Variants in DIAPH3 observed in about 807,000 individuals in gnomAD.
The protein encoded by DIAPH3 is diaphanous related formin 3.
A neutral mutation model predicts 144.3 loss-of-function variants in DIAPH3; 117 were observed. The ratio of observed to expected loss-of-function variants is 0.81; its 90% CI spans 0.70 to 0.95. DIAPH3 has a LOEUF of 0.95. Ranked by LOEUF, DIAPH3 falls within the 40% of genes least tolerant of loss-of-function variation. The probability of loss-of-function intolerance (pLI) is 0.00; values close to 1 mark genes in which losing one functional copy is unlikely to be tolerated. For missense variants in DIAPH3, 1,421 were observed against 1,412.7 expected (o/e 1.01, Z -0.09); for synonymous variants, 519 against 488.9 (o/e 1.06, Z -0.81).
rs551702381 is a variant in DIAPH3, at chr13:59,783,252, G to T, written c.3164-8429C>A. ...GAGACATAGAGAAATCTTGGTATCC[G>T]TGGTTGTGAATATTATAAAGAAATA... On this transcript the variant is annotated intron_variant, in intron 25 of 27. Transcript: ENST00000400324. 1.1e-4 allele frequency among the ~76,000 whole-genome samples: 17 copies of T among 152,232 alleles called. No homozygotes were observed. The South Asian group carries it at 3.5e-3, about 32-fold the overall frequency.
chr13:59,843,557 G>T (rs371696970), intron 22 of DIAPH3, among the ~76,000 whole-genome samples: 1 of 152,158 alleles, frequency 6.6e-6, no homozygotes. Context: ...ATCTCACCGC[G>T]TATTTTTACC....
chr13:59,910,174 G>C (rs1366154331), intron 20 of DIAPH3, among the ~76,000 whole-genome samples: 2 of 104,372 alleles, frequency 1.9e-5, no homozygotes, highest in Non-Finnish European at 4.8e-5. Flanking sequence ...TCAAAACATA[G>C]GTAAAAAAAA....
chr13:59,923,561 C>T (rs774341624), intron 18 of DIAPH3, among the ~76,000 whole-genome samples: 1 of 152,170 alleles, frequency 6.6e-6, no homozygotes, highest in Non-Finnish European at 1.5e-5. Flanking sequence ...GGATGATGGA[C>T]ACCACTCTGA....
intron 25 of DIAPH3, among the ~76,000 whole-genome samples, chr13:59,800,973 A>T (rs1171340884): frequency 6.6e-6 from 1 of 152,184 alleles, no homozygotes; most frequent in East Asian, 1.9e-4. Context: ...CCTTTTTTTG[A>T]GAGAAGAGCA....
At chr13:60,137,125 C>T (rs1462322347) in intron 1 of DIAPH3, among the ~76,000 whole-genome samples, 1 of 152,102 alleles carries the variant, frequency 6.6e-6, no homozygotes, top group East Asian at 1.9e-4. Flanking sequence ...GAACCACATA[C>T]AGATGGGTAA....
At chr13:59,706,230 T>C (rs761571194) in intron 27 of DIAPH3, among the ~76,000 whole-genome samples, 6 of 152,308 alleles carry the variant, frequency 3.9e-5, no homozygotes, top group Middle Eastern at 3.4e-3. Flanking sequence ...TGCACGTGTT[T>C]AGTACAGAGG....
At chr13:60,053,023 A>T in intron 4 of DIAPH3, among the ~76,000 whole-genome samples, 1 of 150,968 alleles carries the variant, frequency 6.6e-6, no homozygotes, top group Admixed American at 6.6e-5. Flanking sequence ...ACACCTCTTA[A>T]ATTAAAGAAA....
At position 60,114,437 on chromosome 13, in the gene DIAPH3, GA is replaced by G. The variant is rs1191100558; in HGVS notation, c.214-2252del. Among the ~76,000 whole-genome samples, 3 of 151,742 alleles carry G rather than the reference GA, an allele frequency of 2.0e-5. No individual in the cohort carries two copies. In the East Asian group the frequency reaches 5.8e-4, roughly 29 times the overall value. On this transcript the variant is annotated intron_variant, in intron 2 of 27. Coordinates refer to ENST00000400324, the MANE Select transcript of DIAPH3 (RefSeq NM_001042517.2). ...CAAACACAAACAAAATAATGAGATA[GA>G]AAAAAAATTGAGTATGATCTGTGAT...
chr13:59,938,265 A>G (rs1328987520), intron 17 of DIAPH3, among the ~76,000 whole-genome samples: 2 of 152,122 alleles, frequency 1.3e-5, no homozygotes, highest in Non-Finnish European at 2.9e-5. Flanking sequence ...TTGTAGTTCT[A>G]TGTTATCTTA....
intron 23 of DIAPH3, chr13:59,837,956 T>G (rs990175855): frequency 3.3e-5 from 5 of 152,074 alleles, no homozygotes; most frequent in Non-Finnish European, 5.9e-5. Flanking sequence ...AAAACTCAAC[T>G]AGTTCACAAT....
intron 25 of DIAPH3, among the ~76,000 whole-genome samples, chr13:59,809,119 T>G (rs542484002): frequency 1.3e-4 from 20 of 152,278 alleles, no homozygotes; most frequent in African/African-American, 4.8e-4. Flanking sequence ...AGACACTCTG[T>G]GTGATCAGAC....
chr13:60,131,428 C>A (rs542693169), intron 2 of DIAPH3, among the ~76,000 whole-genome samples: 7 of 136,422 alleles, frequency 5.1e-5, no homozygotes, highest in Admixed American at 2.2e-4. Context: ...AGAGCGAGAC[C>A]CTGTCTCAAA....
intron 27 of DIAPH3, among the ~76,000 whole-genome samples, chr13:59,713,985 G>A (rs902897470): frequency 2.0e-5 from 3 of 152,202 alleles, no homozygotes; most frequent in African/African-American, 7.2e-5. Flanking sequence ...GGAGGCTGAG[G>A]CAGGAGGGTC....
At chr13:60,137,154 A>C (rs1238649860) in intron 1 of DIAPH3, among the ~76,000 whole-genome samples, 5 of 152,182 alleles carry the variant, frequency 3.3e-5, no homozygotes, top group Non-Finnish European at 7.3e-5. Flanking sequence ...TCTGTTAATG[A>C]CAGTTCCTAG....
At chr13:59,865,162 C>T (rs2043842449) in intron 21 of DIAPH3, among the ~76,000 whole-genome samples, 1 of 151,996 alleles carries the variant, frequency 6.6e-6, no homozygotes, top group Admixed American at 6.6e-5. Context: ...TCTCTCTAAC[C>T]ATCTTTTAAA....
At chr13:59,981,409 T>C (rs974479224) in intron 13 of DIAPH3, among the ~76,000 whole-genome samples, 2 of 151,198 alleles carry the variant, frequency 1.3e-5, no homozygotes, top group African/African-American at 4.8e-5. Context: ...AGGCAATATA[T>C]ACTAAAATTG....
At chr13:60,091,202 GTC>G (rs1307642818) in intron 4 of DIAPH3, among the ~76,000 whole-genome samples, 1 of 152,124 alleles carries the variant, frequency 6.6e-6, no homozygotes, top group Non-Finnish European at 1.5e-5. Flanking sequence ...ACACTCACCA[GTC>G]TGTTATTTTT....
At chr13:60,014,005 T>A (rs971289060) in intron 7 of DIAPH3, among the ~76,000 whole-genome samples, 9 of 151,984 alleles carry the variant, frequency 5.9e-5, no homozygotes, top group Non-Finnish European at 8.8e-5. Flanking sequence ...GCAACAAAAA[T>A]CTCTTAAGAG....
intron 24 of DIAPH3, among the ~76,000 whole-genome samples, chr13:59,823,025 T>A (rs2041161169): frequency 6.6e-6 from 1 of 152,224 alleles, no homozygotes; most frequent in East Asian, 1.9e-4. Context: ...TCTATTTTTA[T>A]TCTCACTACC....
Sources: allele counts gnomAD v4.1 joint callset (sites outside exome capture counted in the v4.1 genomes callset), GRCh38; gene constraint gnomAD v4.1.1; transcripts MANE v1.5; gene names NCBI Gene and HGNC (gene_info 2026-07-23, HGNC 2026-07-21).